PDZD2: variants seen among roughly 807,000 people sequenced by gnomAD.
PDZD2 encodes PDZ domain-containing protein 2.
PDZD2 carries 90 observed loss-of-function variants against 220.7 expected under a neutral mutation model. The observed-to-expected ratio is 0.41, with a 90% confidence interval of 0.34 to 0.49. The LOEUF (loss-of-function observed/expected upper bound fraction) is 0.49. Ranked by LOEUF, PDZD2 falls within the 20% of genes least tolerant of loss-of-function variation. PDZD2 has a pLI of 0.28. For missense variants in PDZD2, 3,174 were observed against 3,608.5 expected, an observed-to-expected ratio of 0.88 and a Z score of 3.08; for synonymous variants, 1,375 against 1,450.5, an observed-to-expected ratio of 0.95 and a Z score of 1.18.
chr5:31,854,605 C>A (rs1161433962), intron 2 of PDZD2, among the ~76,000 whole-genome samples: 1 of 152,150 alleles, frequency 6.6e-6, no homozygotes, highest in Non-Finnish European at 1.5e-5. Flanking sequence ...GAGCTTCTTG[C>A]AATGGCTCGG....
chr5:32,088,778 T>C lies in PDZD2; in HGVS notation c.5330T>C (p.Ile1777Thr). ...NGESVLENLH[I>T]SESQDLDDLL... Reference sequence around the variant, plus strand: ...GAATCTGTTTTGGAAAACCTCCACATCTCTGAAAGTCAAGACCTGGATGAC... The same window carrying C: ...GAATCTGTTTTGGAAAACCTCCACACCTCTGAAAGTCAAGACCTGGATGAC... The change falls in exon 20 of 25, where the codon ATC (isoleucine) becomes ACC (threonine). Residue 1777 changes from isoleucine to threonine, a missense_variant. This residue lies in a region of PDZD2 where 1,861 missense variants were observed against 2,001.0 expected (regional missense o/e 0.93). Transcript: ENST00000438447. This position sits in a 1 kb window ranked among gnomAD's most constrained non-coding sequence, Gnocchi z 4.6. 1 of 1,613,984 alleles carries C rather than the reference T, an allele frequency of 6.2e-7. No individual in the cohort carries two copies. Among genetic ancestry groups the C allele is most frequent in the Non-Finnish European group, 8.5e-7 (1 of 1,179,930 alleles).
At chr5:31,856,451 C>T (rs935164840) in intron 2 of PDZD2, among the ~76,000 whole-genome samples, 1 of 140,034 alleles carries the variant, frequency 7.1e-6, no homozygotes, top group African/African-American at 2.5e-5. Context: ...TGATGGGGTT[C>T]GGAATCGAAG....
At chr5:31,788,089 G>C (rs1172690392) in intron 1 of PDZD2, among the ~76,000 whole-genome samples, 3 of 152,198 alleles carry the variant, frequency 2.0e-5, no homozygotes, top group African/African-American at 7.2e-5. Context: ...AGCTCTCCCA[G>C]GCCGGGCGCC....
rs200267797 is a variant in PDZD2 at position 31,710,821 on chromosome 5, A to AC, written c.-361+71384_-361+71385insC. ...ACAAGAGCAAAACTCCGTCTTGAAA[A>AC]AAAAAAAAAAAAGAGTAGAGATATG... On this transcript the variant is annotated intron_variant, in intron 1 of 24. Coordinates refer to ENST00000438447, the MANE Select transcript of PDZD2 (RefSeq NM_178140.4). Among the ~76,000 whole-genome samples, 93 of 149,906 alleles carry AC rather than the reference A, an allele frequency of 6.2e-4. 1 individual carries two copies. The highest frequency in any genetic ancestry group is 1.3e-3 in the African/African-American group (54 of 41,108).
chr5:31,652,131 TG>T (rs1745375516), intron 1 of PDZD2, among the ~76,000 whole-genome samples: 1 of 131,880 alleles, frequency 7.6e-6, no homozygotes, highest in Non-Finnish European at 1.6e-5. Flanking sequence ...GCGTCTGGCC[TG>T]GGTTTTTTTT....
chr5:32,041,937 C>T (rs539401918), intron 7 of PDZD2, among the ~76,000 whole-genome samples: 17 of 147,866 alleles, frequency 1.1e-4, no homozygotes, highest in East Asian at 2.0e-4. Flanking sequence ...CATCAATTGC[C>T]GGGCTCGGTG....
intron 1 of PDZD2, among the ~76,000 whole-genome samples, chr5:31,791,590 CAAAAAA>C (rs1157216997): frequency 0.034 from 1,734 of 50,458 alleles, 31 homozygotes; most frequent in African/African-American, 0.11. Flanking sequence ...AACTCCGTCT[CAAAAAA>C]AAAAAAAAAA....
intron 2 of PDZD2, chr5:31,843,225 CAA>C (rs2150286761): frequency 6.6e-6 from 1 of 151,728 alleles, no homozygotes; most frequent in African/African-American, 2.4e-5. Flanking sequence ...TCTGGTAATT[CAA>C]AGTGTTTTCC....
chr5:31,663,854 G>GGT (rs376879069), intron 1 of PDZD2, among the ~76,000 whole-genome samples: 4,658 of 149,754 alleles, frequency 0.031, 114 homozygotes, highest in African/African-American at 0.072. Context: ...GGAAGTTTAG[G>GGT]GTGTGTGTGT....
chr5:31,665,813 GA>G (rs1365212588), intron 1 of PDZD2, among the ~76,000 whole-genome samples: 2 of 152,170 alleles, frequency 1.3e-5, no homozygotes, highest in East Asian at 1.9e-4. Context: ...GTATCAGTGT[GA>G]AAAAAGACTA....
intron 2 of PDZD2, chr5:31,923,332 GTAAGGGGTCC>G: frequency 1.2e-6 from 1 of 807,624 alleles, no homozygotes; most frequent in Non-Finnish European, 2.2e-6. Flanking sequence ...GGTGGTTGCT[GTAAGGGGTCC>G]TCCCTGTGCC....
intron 19 of PDZD2, among the ~76,000 whole-genome samples, chr5:32,080,428 A>G (rs1018283093): frequency 6.6e-6 from 1 of 151,606 alleles, no homozygotes; most frequent in African/African-American, 2.4e-5. Flanking sequence ...GCAGCCTTCA[A>G]TGTCACCTTT....
At chr5:31,969,531 A>AAAAAAAAAAAAAAAACAC (rs1749095050) in intron 2 of PDZD2, among the ~76,000 whole-genome samples, 1 of 145,542 alleles carries the variant, frequency 6.9e-6, no homozygotes, top group Non-Finnish European at 1.5e-5. Flanking sequence ...AAAAAAAAAA[A>AAAAAAAAAAAAAAAACAC]AAAACAATGG....
At chr5:31,777,834 A>G (rs1445615941) in intron 1 of PDZD2, among the ~76,000 whole-genome samples, 1 of 152,212 alleles carries the variant, frequency 6.6e-6, no homozygotes, top group East Asian at 1.9e-4. Flanking sequence ...TCTGGTGGGG[A>G]CTTGGAGAAC....
chr5:31,819,449 G>T (rs929158037), intron 2 of PDZD2, among the ~76,000 whole-genome samples: 17 of 152,048 alleles, frequency 1.1e-4, no homozygotes, highest in African/African-American at 2.4e-5. Context: ...CTGAGGTCAG[G>T]AGTTGAAGAC....
intron 1 of PDZD2, chr5:31,744,528 A>G (rs187574856): frequency 6.8e-4 from 104 of 152,264 alleles, no homozygotes; most frequent in African/African-American, 2.3e-3. Flanking sequence ...AAAGAATTAT[A>G]TAATCTTTTT....
intron 1 of PDZD2, among the ~76,000 whole-genome samples, chr5:31,761,490 G>A (rs1221330569): frequency 6.6e-6 from 1 of 151,338 alleles, no homozygotes; most frequent in African/African-American, 2.4e-5. Context: ...ATTCTCGGGG[G>A]AAAAAAAATG....
At chr5:31,817,818 C>G (rs1348809437) in intron 2 of PDZD2, among the ~76,000 whole-genome samples, 1 of 151,868 alleles carries the variant, frequency 6.6e-6, no homozygotes, top group Non-Finnish European at 1.5e-5. Flanking sequence ...CACACACCAC[C>G]AAGTCTGGCT....
chr5:32,015,011 G>A (rs189941506), intron 6 of PDZD2, among the ~76,000 whole-genome samples: 10 of 142,314 alleles, frequency 7.0e-5, no homozygotes, highest in African/African-American at 2.7e-4. Flanking sequence ...GCGCAATCTC[G>A]GTTCACTGCA....
Sources: allele counts gnomAD v4.1 joint callset (sites outside exome capture counted in the v4.1 genomes callset), GRCh38; gene constraint gnomAD v4.1.1; regional missense constraint gnomAD v4.1.1; non-coding constraint Gnocchi (gnomAD v3.1); transcripts MANE v1.5; gene names NCBI Gene and HGNC (gene_info 2026-07-23, HGNC 2026-07-21).